Variants in NCAM2 observed in about 807,000 individuals in gnomAD.
The protein encoded by NCAM2 is N-CAM-2.
NCAM2 carries 30 observed loss-of-function variants against 98.1 expected under a neutral mutation model. The observed-to-expected ratio is 0.31, with a 90% CI of 0.23 to 0.41. The LOEUF (loss-of-function observed/expected upper bound fraction) is 0.41. Among genes scored for constraint, NCAM2 ranks in the 10% least tolerant of loss-of-function variants. The pLI is 1.00. For missense variants in NCAM2, 867 were observed against 1,005.8 expected (o/e 0.86, Z 1.87); for synonymous variants, 368 against 342.4 (o/e 1.07, Z -0.83).
chr21:21,430,513 T>G (rs994627654), intron 11 of NCAM2, among the ~76,000 whole-genome samples: 1 of 151,190 alleles, frequency 6.6e-6, no homozygotes, highest in Non-Finnish European at 1.5e-5. Context: ...CTCAGGAAAC[T>G]TACAATTATG....
intron 1 of NCAM2, among the ~76,000 whole-genome samples, chr21:21,116,508 G>A (rs2066562422): frequency 6.6e-6 from 1 of 152,042 alleles, no homozygotes; most frequent in South Asian, 2.1e-4. Flanking sequence ...CCAGTTAGGC[G>A]GGCTATCTTA....
chr21:21,432,292 A>G lies in NCAM2; in HGVS notation c.1654+11A>G, dbSNP rs763785758. ...CCCATGGAGTTCAAAGTGAGTCAAC[A>G]ATTTCAAAATGTGTTGGTTAATTCA... is the stretch of plus-strand genomic sequence containing the variant. On this transcript the variant is annotated intron_variant, in intron 12 of 17. Coordinates refer to ENST00000400546, the MANE Select transcript of NCAM2 (RefSeq NM_004540.5). The G allele has an allele frequency of 6.2e-7, 1 of 1,610,144 alleles. No homozygotes were observed. The highest frequency in any genetic ancestry group is 1.1e-5 in the South Asian group (1 of 90,802).
chr21:21,203,583 A>C (rs2069317396), intron 1 of NCAM2, among the ~76,000 whole-genome samples: 1 of 152,196 alleles, frequency 6.6e-6, no homozygotes, highest in Non-Finnish European at 1.5e-5. Context: ...TGTATCATTC[A>C]TTCCTGGATC....
chr21:21,368,832 T>G (rs2148028202), intron 8 of NCAM2, among the ~76,000 whole-genome samples: 1 of 151,922 alleles, frequency 6.6e-6, no homozygotes, highest in South Asian at 2.1e-4. Context: ...TTTACTTTTT[T>G]TCCTGCAGTG....
intron 1 of NCAM2, among the ~76,000 whole-genome samples, chr21:20,999,381 A>T (rs2063978320): frequency 6.6e-6 from 1 of 152,150 alleles, no homozygotes; most frequent in African/African-American, 2.4e-5. Flanking sequence ...GCCTGGTAGA[A>T]TAACCTGAGA....
chr21:21,122,292 T>C (rs1212888087), intron 1 of NCAM2, among the ~76,000 whole-genome samples: 1 of 152,204 alleles, frequency 6.6e-6, no homozygotes, highest in African/African-American at 2.4e-5. Context: ...TTACTTAGAA[T>C]GGCACATGGT....
intron 1 of NCAM2, among the ~76,000 whole-genome samples, chr21:21,109,077 T>C (rs1219791737): frequency 6.6e-6 from 1 of 152,132 alleles, no homozygotes; most frequent in Non-Finnish European, 1.5e-5. Context: ...ATTTAGCTGC[T>C]GGGGTCACTG....
intron 10 of NCAM2, among the ~76,000 whole-genome samples, chr21:21,415,738 A>G (rs1232690982): frequency 1.3e-5 from 2 of 152,146 alleles, no homozygotes; most frequent in Non-Finnish European, 2.9e-5. Flanking sequence ...CTTAAGCCTC[A>G]TGAACTAACC....
Position 21,248,813 on chromosome 21 carries a change from A to C in NCAM2, c.56-31765A>C, listed in dbSNP as rs963593473. Among the ~76,000 whole-genome samples, 24 of 103,232 alleles carry C rather than the reference A, an allele frequency of 2.3e-4. No individual in the cohort carries two copies. In the South Asian group the frequency reaches 5.3e-3, roughly 23 times the overall value. The allele number at this position is 103,232 out of a possible 152,430, so 67.7% of individuals were successfully genotyped here. On this transcript the variant is annotated intron_variant, in intron 1 of 17. Transcript: ENST00000400546. ...AAAAAAAAAAAAAAAAAAAAAAAAA[A>C]AAAAGATTTATGAATTTCTTTCTTT...
At chr21:21,330,577 C>A (rs2074645812) in intron 6 of NCAM2, among the ~76,000 whole-genome samples, 1 of 151,834 alleles carries the variant, frequency 6.6e-6, no homozygotes, top group African/African-American at 2.4e-5. Flanking sequence ...ATGGAGAAAT[C>A]CCTAATATTA....
intron 1 of NCAM2, among the ~76,000 whole-genome samples, chr21:21,250,682 AC>A (rs1157202737): frequency 1.3e-5 from 2 of 152,208 alleles, no homozygotes; most frequent in Non-Finnish European, 2.9e-5. Context: ...TGTGGGACAA[AC>A]AAAACATTTC....
intron 8 of NCAM2, among the ~76,000 whole-genome samples, chr21:21,351,324 T>C (rs1442249979): frequency 6.6e-6 from 1 of 152,042 alleles, no homozygotes; most frequent in East Asian, 1.9e-4. Flanking sequence ...AGTAGGGCTA[T>C]CCAAAAATAA....
At chr21:21,460,680 G>A (rs1400597698) in intron 12 of NCAM2, among the ~76,000 whole-genome samples, 1 of 151,892 alleles carries the variant, frequency 6.6e-6, no homozygotes, top group Non-Finnish European at 1.5e-5. Flanking sequence ...TTTAAAATGT[G>A]TAGGCTAGAT....
At chr21:21,062,751 A>T (rs543652922) in intron 1 of NCAM2, among the ~76,000 whole-genome samples, 25 of 152,222 alleles carry the variant, frequency 1.6e-4, no homozygotes, top group Non-Finnish European at 2.8e-4. Context: ...AAAGAGGTCA[A>T]TTATGCCTCA....
At chr21:21,528,521 T>C (rs1014619037) in intron 16 of NCAM2, among the ~76,000 whole-genome samples, 5 of 152,192 alleles carry the variant, frequency 3.3e-5, no homozygotes, top group African/African-American at 1.2e-4. Flanking sequence ...AAATTAAGTC[T>C]ATACAAATGG....
At chr21:21,198,784 G>A (rs993080382) in intron 1 of NCAM2, among the ~76,000 whole-genome samples, 4 of 152,102 alleles carry the variant, frequency 2.6e-5, no homozygotes, top group African/African-American at 9.7e-5. Flanking sequence ...ATGAAACTTA[G>A]CACATAAAAA....
intron 8 of NCAM2, among the ~76,000 whole-genome samples, chr21:21,360,351 A>G (rs1452085419): frequency 1.3e-5 from 2 of 151,984 alleles, no homozygotes; most frequent in African/African-American, 2.4e-5. Context: ...TTAGGTAAGA[A>G]TCTTTCTTCG....
At chr21:21,418,309 T>C (rs1229362274) in intron 10 of NCAM2, among the ~76,000 whole-genome samples, 164 bp from the exon 11 acceptor site, 2 of 152,082 alleles carry the variant, frequency 1.3e-5, no homozygotes, top group Non-Finnish European at 2.9e-5. Flanking sequence ...TAAAAGGATT[T>C]ATATTATTTA....
chr21:21,328,723 AT>A (rs2074589543), intron 6 of NCAM2, among the ~76,000 whole-genome samples: 1 of 152,046 alleles, frequency 6.6e-6, no homozygotes, highest in East Asian at 1.9e-4. Context: ...AAAGTTTAAA[AT>A]TTTTAAGAGT....
Sources: allele counts gnomAD v4.1 joint callset (sites outside exome capture counted in the v4.1 genomes callset), GRCh38; gene constraint gnomAD v4.1.1; transcripts MANE v1.5; gene names NCBI Gene and HGNC (gene_info 2026-07-23, HGNC 2026-07-21).